Variants in ACAD9 observed in about 807,000 individuals in gnomAD.
ACAD9 encodes the protein complex I assembly factor ACAD9, mitochondrial.
A neutral mutation model predicts 70.2 loss-of-function variants in ACAD9; 53 were observed. The ratio of observed to expected loss-of-function variants is 0.75; its 90% CI spans 0.61 to 0.95. The LOEUF is 0.95. Among genes scored for constraint, ACAD9 ranks in the 40% least tolerant of loss-of-function variants. ACAD9 has a pLI of 0.00. For synonymous variants in ACAD9, 313 were observed against 312.1 expected, an observed-to-expected ratio of 1.00 and a Z score of -0.03; for missense variants, 777 against 802.8, an observed-to-expected ratio of 0.97 and a Z score of 0.39.
rs778755390 is a variant in ACAD9, at chr3:128,912,620, T to C, written c.*13T>C. 6.2e-7 allele frequency: 1 copy of C among 1,609,288 alleles called. No individual in the cohort carries two copies. Among genetic ancestry groups the C allele is most frequent in the Non-Finnish European group, 8.5e-7 (1 of 1,175,604 alleles). The stretch of plus-strand genomic sequence containing the variant: ...CAGGACATGCTGAGGCAGGGGACAG[T>C]GTCCCCTGCTACCGCCCGCCCCTAC... On this transcript the variant is annotated 3_prime_UTR_variant, in exon 18 of 18. Transcript: ENST00000308982.
At chr3:128,886,672 C>T (rs1244757825) in intron 2 of ACAD9, among the ~76,000 whole-genome samples, 7 of 148,518 alleles carry the variant, frequency 4.7e-5, no homozygotes, top group African/African-American at 7.5e-5. Flanking sequence ...CGCGCCACTG[C>T]ACTCCAGCAT....
intron 17 of ACAD9, among the ~76,000 whole-genome samples, chr3:128,912,147 G>A (rs1013425071): frequency 2.0e-5 from 3 of 152,202 alleles, no homozygotes; most frequent in African/African-American, 7.2e-5. Context: ...AGCCCTGGGG[G>A]TAGCCCAGAC....
intron 16 of ACAD9, 29 bp downstream of exon 16, chr3:128,910,178 C>G: frequency 6.2e-7 from 1 of 1,613,718 alleles, no homozygotes. Flanking sequence ...CACACAGGGC[C>G]TGGCTGCTGC....
intron 2 of ACAD9, among the ~76,000 whole-genome samples, chr3:128,890,117 C>T (rs747372743): frequency 2.6e-4 from 39 of 152,062 alleles, no homozygotes; most frequent in Non-Finnish European, 5.1e-4. Context: ...TGAACCACTG[C>T]GCCTGGCCTG....
intron 2 of ACAD9, among the ~76,000 whole-genome samples, chr3:128,892,453 A>C (rs1935449464): frequency 1.3e-5 from 2 of 152,224 alleles, no homozygotes; most frequent in African/African-American, 2.4e-5. Flanking sequence ...AGTACACTTT[A>C]ATTAATTTGA....
intron 3 of ACAD9, among the ~76,000 whole-genome samples, chr3:128,895,017 C>A (rs975583825): frequency 6.6e-6 from 1 of 151,768 alleles, no homozygotes; most frequent in Non-Finnish European, 1.5e-5. Context: ...GCTGGGACCA[C>A]AGGCACACAC....
intron 4 of ACAD9, among the ~76,000 whole-genome samples, chr3:128,895,830 C>T (rs1193614580): frequency 6.6e-6 from 1 of 152,254 alleles, no homozygotes; most frequent in East Asian, 1.9e-4. Context: ...GTCAACCGCC[C>T]TTACTGGCAA....
At chr3:128,908,035 TG>T in intron 12 of ACAD9, 149 bp from the exon 13 acceptor site, 1 of 788,172 alleles carries the variant, frequency 1.3e-6, no homozygotes, top group Non-Finnish European at 2.2e-6. Flanking sequence ...CCCTGAGCCC[TG>T]GCCAGAGCCC....
At chr3:128,909,716 C>A (rs1936060319) in intron 15 of ACAD9, 2 of 600,316 alleles carry the variant, frequency 3.3e-6, no homozygotes, top group African/African-American at 3.7e-5. Flanking sequence ...AATCTAGGGA[C>A]CTGATTGGTG....
At chr3:128,908,855 C>T in intron 13 of ACAD9, 118 bp from the exon 14 acceptor site, 8 of 1,526,562 alleles carry the variant, frequency 5.2e-6, no homozygotes, top group Non-Finnish European at 7.2e-6. Context: ...TAGCCAGGGG[C>T]CCAGCATACC....
In ACAD9 at chr3:128,912,675, C is replaced by G. The variant is rs116106966; in HGVS notation, c.*68C>G. The G allele has an allele frequency of 7.4e-7, 1 of 1,345,624 alleles. No individual in the cohort carries two copies. The allele number at this position is 1,345,624 out of a possible 1,614,324, so 83.4% of individuals were successfully genotyped here. The stretch of plus-strand genomic sequence containing the variant: ...GGCCCGTTGCTGGATGACTGTTACT[C>G]TTTTTTCAGAAGGTGTTGGGATTAT... On this transcript the variant is annotated 3_prime_UTR_variant, in exon 18 of 18. Transcript: ENST00000308982.
intron 7 of ACAD9, among the ~76,000 whole-genome samples, 167 bp downstream of exon 7, chr3:128,899,628 G>GT: frequency 6.6e-6 from 1 of 152,076 alleles, no homozygotes; most frequent in East Asian, 1.9e-4. Context: ...AACACTTTCA[G>GT]TTTTTGTTAA....
At chr3:128,881,097 G>A (rs1250635833) in intron 1 of ACAD9, among the ~76,000 whole-genome samples, 5 of 152,178 alleles carry the variant, frequency 3.3e-5, no homozygotes, top group Admixed American at 1.3e-4. Flanking sequence ...TACCTTTATA[G>A]CAAGCAACTT....
chr3:128,892,079 G>A (rs910198968), intron 2 of ACAD9, among the ~76,000 whole-genome samples: 2 of 152,186 alleles, frequency 1.3e-5, no homozygotes, highest in Admixed American at 6.5e-5. Flanking sequence ...TATAAAACTT[G>A]AAGATGCAAA....
intron 13 of ACAD9, chr3:128,908,609 C>G (rs935845788): frequency 7.4e-6 from 4 of 540,080 alleles, no homozygotes; most frequent in African/African-American, 5.7e-5. Context: ...CAGTGTTTCT[C>G]TTCTCTGCCC....
chr3:128,897,600 T>A, intron 5 of ACAD9, 32 bp from the exon 6 acceptor site: 2 of 1,600,842 alleles, frequency 1.2e-6, no homozygotes, highest in Non-Finnish European at 1.7e-6. Flanking sequence ...TTCCCAGTAT[T>A]CTCCCTTGAC....
intron 11 of ACAD9, 123 bp from the exon 12 acceptor site, chr3:128,905,998 C>T: frequency 7.5e-7 from 1 of 1,335,288 alleles, no homozygotes; most frequent in Non-Finnish European, 1.1e-6. Context: ...CCACATCACC[C>T]CTCAAGTTCC....
chr3:128,899,430 C>T lies in ACAD9; in HGVS notation c.777C>T (p.Pro259=), dbSNP rs774791169. 36 of 1,613,994 alleles carry T rather than the reference C, an allele frequency of 2.2e-5. No individual in the cohort carries two copies. The highest frequency in any genetic ancestry group is 2.7e-5 in the African/African-American group (2 of 74,896). The change falls in exon 7 of 18, where the codon CCC becomes CCT. Residue 259 remains proline (P), a synonymous_variant. Coordinates refer to ENST00000308982, the MANE Select transcript of ACAD9 (RefSeq NM_014049.5). ...RDFGGVTNGK[P]EDKLGIRGSN... is the part of the protein sequence containing the mutation. ...TTGGTGGAGTCACTAATGGGAAACC[C>T]GAAGATAAATTAGGCATTCGGGGCT...
chr3:128,903,198 C>T (rs995920103), intron 9 of ACAD9, among the ~76,000 whole-genome samples: 33 of 152,132 alleles, frequency 2.2e-4, no homozygotes, highest in African/African-American at 6.5e-4. Flanking sequence ...GAAGCATTTG[C>T]GGGGAAATGG....
Sources: allele counts gnomAD v4.1 joint callset (sites outside exome capture counted in the v4.1 genomes callset), GRCh38; gene constraint gnomAD v4.1.1; transcripts MANE v1.5; gene names NCBI Gene and HGNC (gene_info 2026-07-23, HGNC 2026-07-21).